The following SLC1A3 variants were observed in gnomAD, a reference collection of about 807,000 sequenced individuals.
SLC1A3 encodes excitatory amino acid transporter 1.
A neutral mutation model predicts 48.1 loss-of-function variants in SLC1A3; 21 were observed. The ratio of observed to expected loss-of-function variants is 0.44; its 90% CI spans 0.31 to 0.63. The LOEUF (loss-of-function observed/expected upper bound fraction) is 0.63. SLC1A3 is among the 20% of genes least tolerant of loss of function. SLC1A3 has a pLI of 0.08. For missense variants in SLC1A3, 546 were observed against 689.0 expected (o/e 0.79, Z 2.32); for synonymous variants, 239 against 251.4 (o/e 0.95, Z 0.47).
chr5:36,610,043 G>T (rs962999856), intron 2 of SLC1A3, among the ~76,000 whole-genome samples: 3 of 152,202 alleles, frequency 2.0e-5, no homozygotes, highest in African/African-American at 7.2e-5. Context: ...GAGTGAGAAG[G>T]TATGATTACT....
intron 2 of SLC1A3, among the ~76,000 whole-genome samples, chr5:36,614,159 GT>G (rs1376058757): frequency 3.9e-5 from 6 of 152,156 alleles, no homozygotes; most frequent in Non-Finnish European, 8.8e-5. Flanking sequence ...TTATATCCCA[GT>G]TCTGCTATGC....
Position 36,622,790 on chromosome 5 carries a change from T to C in SLC1A3, c.182-6660T>C, listed in dbSNP as rs182328646. Among the ~76,000 whole-genome samples, 134 of 152,106 alleles carry C rather than the reference T, an allele frequency of 8.8e-4. 1 individual carries two copies. The highest frequency in any genetic ancestry group is 1.4e-3 in the Non-Finnish European group (95 of 68,010). ...ACTTTGGGAGGCCGAGGTGGGCAGA[T>C]CACGAGGTCAGGAGATCGAGACCAT... is the stretch of plus-strand genomic sequence containing the variant. On this transcript the variant is annotated intron_variant, in intron 2 of 9. Transcript: ENST00000265113.
At chr5:36,604,660 A>G (rs912669284), upstream of SLC1A3, among the ~76,000 whole-genome samples, 5 of 152,156 alleles carry the variant, frequency 3.3e-5, no homozygotes, top group Non-Finnish European at 5.9e-5. Flanking sequence ...AAATAATGAA[A>G]TGGTTTTTAA....
intron 4 of SLC1A3, 69 bp downstream of exon 4, chr5:36,671,302 C>G: frequency 8.8e-7 from 1 of 1,131,384 alleles, no homozygotes; most frequent in East Asian, 2.4e-5. Flanking sequence ...GGTTACTATT[C>G]AAACCCTGGA....
At chr5:36,657,916 T>C (rs1184007424) in intron 3 of SLC1A3, among the ~76,000 whole-genome samples, 1 of 152,242 alleles carries the variant, frequency 6.6e-6, no homozygotes, top group Non-Finnish European at 1.5e-5. Context: ...ATAATTTGTT[T>C]GGTTCTGAGC....
At chr5:36,623,898 T>G (rs1739796091) in intron 2 of SLC1A3, among the ~76,000 whole-genome samples, 1 of 150,024 alleles carries the variant, frequency 6.7e-6, no homozygotes, top group African/African-American at 2.5e-5. Context: ...AAAGAAAGAC[T>G]GGTCATGCTA....
At chr5:36,655,164 T>C (rs770472825) in intron 3 of SLC1A3, among the ~76,000 whole-genome samples, 1 of 152,288 alleles carries the variant, frequency 6.6e-6, no homozygotes, top group Middle Eastern at 3.4e-3. Flanking sequence ...TCTATAGGCA[T>C]TGGCTAATGT....
At chr5:36,647,917 GT>G (rs1470040425) in intron 3 of SLC1A3, among the ~76,000 whole-genome samples, 1 of 152,084 alleles carries the variant, frequency 6.6e-6, no homozygotes, top group African/African-American at 2.4e-5. Flanking sequence ...TTTGTTTATT[GT>G]TTTTAATTTA....
chr5:36,662,657 A>C (rs759911080), intron 3 of SLC1A3, among the ~76,000 whole-genome samples: 1 of 152,242 alleles, frequency 6.6e-6, no homozygotes, highest in Non-Finnish European at 1.5e-5. Context: ...ATCACCTCGC[A>C]GCGGGGCTCG....
intron 9 of SLC1A3, 21 bp from the exon 10 acceptor site, chr5:36,686,044 T>G: frequency 6.2e-7 from 1 of 1,609,644 alleles, no homozygotes; most frequent in Non-Finnish European, 8.5e-7. Flanking sequence ...CGTTTTTCCC[T>G]CCTCCCCACC....
At chr5:36,666,662 A>T (rs1455215592) in intron 3 of SLC1A3, among the ~76,000 whole-genome samples, 1 of 152,272 alleles carries the variant, frequency 6.6e-6, no homozygotes, top group African/African-American at 2.4e-5. Context: ...ATCCATGCCA[A>T]TGATGGAAAC....
At chr5:36,685,342 T>C (rs1742601176) in intron 9 of SLC1A3, among the ~76,000 whole-genome samples, 1 of 152,218 alleles carries the variant, frequency 6.6e-6, no homozygotes. Context: ...AATGGCACAG[T>C]CTTGGCTCAC....
At chr5:36,685,382 TTCTCCTG>T (rs2111988110) in intron 9 of SLC1A3, among the ~76,000 whole-genome samples, 1 of 152,322 alleles carries the variant, frequency 6.6e-6, no homozygotes, top group Non-Finnish European at 1.5e-5. Context: ...GTTCAAGTGA[TTCTCCTG>T]CCTCAGCCTC....
chr5:36,617,181 A>G (rs1739470157), intron 2 of SLC1A3, among the ~76,000 whole-genome samples: 1 of 152,194 alleles, frequency 6.6e-6, no homozygotes, highest in African/African-American at 2.4e-5. Context: ...AAAAAAAAAG[A>G]AAGCGGTTTG....
intron 2 of SLC1A3, among the ~76,000 whole-genome samples, chr5:36,622,986 T>C (rs1739743087): frequency 7.6e-6 from 1 of 130,992 alleles, no homozygotes; most frequent in African/African-American, 3.0e-5. Context: ...CACTGCAGCC[T>C]GGGCTACAGA....
chr5:36,631,734 C>T (rs2111764915), intron 3 of SLC1A3, among the ~76,000 whole-genome samples: 1 of 152,258 alleles, frequency 6.6e-6, no homozygotes, highest in Non-Finnish European at 1.5e-5. Flanking sequence ...CCAAACTACA[C>T]AGTAATTTAG....
At chr5:36,623,112 CTATT>C (rs1561246081) in intron 2 of SLC1A3, among the ~76,000 whole-genome samples, 3 of 151,172 alleles carry the variant, frequency 2.0e-5, no homozygotes, top group South Asian at 2.1e-4. Context: ...CAAAGAGAAA[CTATT>C]TAAGCAAAAA....
In SLC1A3 at chr5:36,680,571, G is replaced by T. The variant is rs1280991277; in HGVS notation, c.1271G>T (p.Gly424Val). ...AQVNNFELNF[G>V]QIITISITAT... ...GTTAACAACTTTGAACTGAACTTCG[G>T]ACAAATTATTACAATCAGGTACAAG... The change falls in exon 8 of 10, where the codon GGA (glycine) becomes GTA (valine). Residue 424 changes from glycine to valine, a missense_variant. Around this residue, in one of 3 missense-constraint regions of SLC1A3, gnomAD observed 142 missense variants for 238.0 expected, o/e 0.60. Transcript: ENST00000265113. The T allele has an allele frequency of 6.2e-7, 1 of 1,613,822 alleles. No individual in the cohort carries two copies. The highest frequency in any genetic ancestry group is 1.3e-5 in the African/African-American group (1 of 74,922).
chr5:36,607,035 T>G (rs1738974205), intron 1 of SLC1A3: 1 of 50,956 alleles, frequency 2.0e-5, no homozygotes, highest in African/African-American at 1.1e-4. Flanking sequence ...TCAGAGCTAT[T>G]AGTTTAAAAA....
Sources: allele counts gnomAD v4.1 joint callset (sites outside exome capture counted in the v4.1 genomes callset), GRCh38; gene constraint gnomAD v4.1.1; regional missense constraint gnomAD v4.1.1; transcripts MANE v1.5; gene names NCBI Gene and HGNC (gene_info 2026-07-23, HGNC 2026-07-21).